ST8SIA1: variants seen among roughly 807,000 people sequenced by gnomAD.
ST8SIA1 encodes alpha-N-acetylneuraminide alpha-2,8-sialyltransferase.
ST8SIA1 carries 16 observed loss-of-function variants against 35.9 expected under a neutral mutation model. The observed-to-expected ratio is 0.45, with a 90% CI of 0.30 to 0.68. The LOEUF (loss-of-function observed/expected upper bound fraction) is 0.68, where lower values mean the gene tolerates loss of function less well. Ranked by LOEUF, ST8SIA1 falls within the 30% of genes least tolerant of loss-of-function variation. The probability of loss-of-function intolerance (pLI) is 0.09; values close to 1 mark genes in which losing one functional copy is unlikely to be tolerated. For synonymous variants in ST8SIA1, 170 were observed against 169.6 expected, an observed-to-expected ratio of 1.00 and a Z score of -0.02; for missense variants, 383 against 453.6, an observed-to-expected ratio of 0.84 and a Z score of 1.41.
chr12:22,279,669 A>G (rs1866011598), intron 2 of ST8SIA1, among the ~76,000 whole-genome samples: 1 of 152,120 alleles, frequency 6.6e-6, no homozygotes, highest in Non-Finnish European at 1.5e-5. Flanking sequence ...ACTCCTTATT[A>G]TCTTCTGGTT....
At chr12:22,303,885 C>CAAAA (rs1259181675) in intron 1 of ST8SIA1, among the ~76,000 whole-genome samples, 15 of 149,620 alleles carry the variant, frequency 1.0e-4, no homozygotes, top group African/African-American at 3.7e-4. Context: ...CACACACACA[C>CAAAA]ACAAAAGTGG....
chr12:22,196,161 T>TGAC lies in ST8SIA1; in HGVS notation c.*5390_*5391insGTC, dbSNP rs996925759. ...TCTGTGCTTTAAAAAGTTAGAGTCATAGGCTTTGATTATCTGGCAAATGCT... is the reference window on the plus strand; with the variant it reads ...TCTGTGCTTTAAAAAGTTAGAGTCATGACAGGCTTTGATTATCTGGCAAATGCT... On this transcript the variant is annotated 3_prime_UTR_variant, in exon 5 of 5. Coordinates refer to ENST00000396037, the MANE Select transcript of ST8SIA1 (RefSeq NM_003034.4). The TGAC allele has an allele frequency of 1.3e-5, 2 of 152,220 alleles. No homozygotes were observed. The highest frequency in any genetic ancestry group is 4.8e-5 in the African/African-American group (2 of 41,458). 9.4% of individuals were successfully genotyped at this position (152,220 alleles called of 1,614,324 possible).
At position 22,307,155 on chromosome 12, in the gene ST8SIA1, T is replaced by C. The variant is rs182850691; in HGVS notation, c.237-19862A>G. Among the ~76,000 whole-genome samples the C allele has an allele frequency of 4.1e-3, 618 of 152,250 alleles. 2 individuals carry two copies. Among genetic ancestry groups the C allele is most frequent in the Non-Finnish European group, 7.0e-3 (474 of 68,032 alleles). ...TGAGAGGCTTTCTAGAAATATTTAC[T>C]GATCCATAGCTGTCCATTTACATTT... On this transcript the variant is annotated intron_variant, in intron 1 of 4. Coordinates refer to ENST00000396037, the MANE Select transcript of ST8SIA1 (RefSeq NM_003034.4).
intron 2 of ST8SIA1, among the ~76,000 whole-genome samples, chr12:22,259,747 T>G (rs537268211): frequency 1.5e-4 from 23 of 152,310 alleles, no homozygotes; most frequent in Middle Eastern, 3.4e-3. Context: ...ATTACAGGCA[T>G]GAGCCACCGC....
intron 4 of ST8SIA1, among the ~76,000 whole-genome samples, chr12:22,244,222 A>C (rs959258833): frequency 6.6e-6 from 1 of 152,096 alleles, no homozygotes; most frequent in Admixed American, 6.6e-5. Flanking sequence ...TTAGTAAAGT[A>C]TATCTATTGA....
intron 4 of ST8SIA1, among the ~76,000 whole-genome samples, chr12:22,210,977 T>C: frequency 6.6e-6 from 1 of 152,212 alleles, no homozygotes; most frequent in East Asian, 1.9e-4. Context: ...TTTCTGCGTG[T>C]CATTTTCTTT....
chr12:22,215,932 C>A (rs893374956), intron 4 of ST8SIA1, among the ~76,000 whole-genome samples: 14 of 152,130 alleles, frequency 9.2e-5, no homozygotes, highest in Non-Finnish European at 1.6e-4. Context: ...GACTCTATAG[C>A]CCTAAGGGAA....
chr12:22,314,160 G>A (rs1020579572), intron 1 of ST8SIA1, among the ~76,000 whole-genome samples: 1 of 152,056 alleles, frequency 6.6e-6, no homozygotes, highest in African/African-American at 2.4e-5. Flanking sequence ...AATGGGACAG[G>A]ACAGAGAAAC....
chr12:22,320,945 GAA>G (rs534911418), intron 1 of ST8SIA1, among the ~76,000 whole-genome samples: 9,479 of 83,612 alleles, frequency 0.11, 466 homozygotes, highest in Middle Eastern at 0.19. Flanking sequence ...AAGAAAGAAA[GAA>G]AGAAAGAAAG....
At chr12:22,281,428 C>A (rs1289002213) in intron 2 of ST8SIA1, among the ~76,000 whole-genome samples, 3 of 152,084 alleles carry the variant, frequency 2.0e-5, no homozygotes, top group Non-Finnish European at 2.9e-5. Flanking sequence ...AGCATTAGGC[C>A]AAGAATGGCA....
chr12:22,303,883 C>CAG (rs929618200), intron 1 of ST8SIA1, among the ~76,000 whole-genome samples: 3 of 149,310 alleles, frequency 2.0e-5, no homozygotes, highest in African/African-American at 7.5e-5. Flanking sequence ...CACACACACA[C>CAG]ACACAAAAGT....
intron 2 of ST8SIA1, among the ~76,000 whole-genome samples, chr12:22,279,083 G>A (rs1237626964): frequency 6.6e-6 from 1 of 152,120 alleles, no homozygotes; most frequent in Non-Finnish European, 1.5e-5. Context: ...GTTTTTGTCT[G>A]AAAAATTCTA....
chr12:22,220,574 A>C (rs1444153416), intron 4 of ST8SIA1, among the ~76,000 whole-genome samples: 1 of 152,206 alleles, frequency 6.6e-6, no homozygotes, highest in Non-Finnish European at 1.5e-5. Context: ...AATTGCCTTC[A>C]TCTTACTCTG....
chr12:22,289,579 A>C (rs916327848), intron 1 of ST8SIA1, among the ~76,000 whole-genome samples: 1 of 152,188 alleles, frequency 6.6e-6, no homozygotes, highest in African/African-American at 2.4e-5. Context: ...GAGCTGGATG[A>C]CTTTAATATT....
In ST8SIA1 at chr12:22,334,340, G is replaced by A. The variant is rs541654647; in HGVS notation, c.-108C>T. Reference sequence around the variant, plus strand: ...AGCCCCCCATGCACACACACCTTTGGTTCTCTTACTTGCAAACGCACGCAC... The same window carrying A: ...AGCCCCCCATGCACACACACCTTTGATTCTCTTACTTGCAAACGCACGCAC... On this transcript the variant is annotated 5_prime_UTR_variant, in exon 1 of 5. Coordinates refer to ENST00000396037, the MANE Select transcript of ST8SIA1 (RefSeq NM_003034.4). 3.8e-4 allele frequency: 306 copies of A among 808,962 alleles called. 4 individuals are homozygous for A. In the South Asian group the frequency reaches 4.9e-3, roughly 13 times the overall value. 50.1% of individuals were successfully genotyped at this position (808,962 alleles called of 1,614,324 possible).
At chr12:22,324,852 G>T (rs1392250784) in intron 1 of ST8SIA1, 1 of 151,124 alleles carries the variant, frequency 6.6e-6, no homozygotes, top group East Asian at 1.9e-4. Context: ...GGTAATACTT[G>T]GACAATAAAT....
At chr12:22,332,681 T>C (rs1328105488) in intron 1 of ST8SIA1, among the ~76,000 whole-genome samples, 2 of 152,222 alleles carry the variant, frequency 1.3e-5, no homozygotes, top group African/African-American at 2.4e-5. Flanking sequence ...CCAAGGAGAA[T>C]GCAGTTGCCT....
intron 2 of ST8SIA1, among the ~76,000 whole-genome samples, chr12:22,281,660 A>T (rs1866036292): frequency 6.6e-6 from 1 of 152,022 alleles, no homozygotes; most frequent in Non-Finnish European, 1.5e-5. Flanking sequence ...GTATAGCTAC[A>T]CTCTACTTTT....
At chr12:22,281,955 G>A (rs1344008922) in intron 2 of ST8SIA1, among the ~76,000 whole-genome samples, 3 of 152,044 alleles carry the variant, frequency 2.0e-5, no homozygotes, top group Non-Finnish European at 4.4e-5. Context: ...CTTGCAGTGA[G>A]CCATGATCGT....
Sources: allele counts gnomAD v4.1 joint callset (sites outside exome capture counted in the v4.1 genomes callset), GRCh38; gene constraint gnomAD v4.1.1; transcripts MANE v1.5; gene names NCBI Gene and HGNC (gene_info 2026-07-23, HGNC 2026-07-21).